The following NOX4 variants were observed in gnomAD, a reference collection of about 807,000 sequenced individuals.
NOX4 encodes NADPH oxidase 4.
In NOX4, 69 loss-of-function variants were observed where a neutral mutation model predicts 87.6. The ratio of observed to expected loss-of-function variants is 0.79; its 90% CI spans 0.65 to 0.96. NOX4 has a LOEUF of 0.96. Among genes scored for constraint, NOX4 ranks in the 40% least tolerant of loss-of-function variants. NOX4 has a pLI of 0.00. For synonymous variants in NOX4, 275 were observed against 238.2 expected (o/e 1.15, Z -1.42); for missense variants, 680 against 681.5 (o/e 1.00, Z 0.02).
intron 12 of NOX4, among the ~76,000 whole-genome samples, chr11:89,355,994 T>A (rs1207478132): frequency 2.0e-5 from 3 of 152,124 alleles, no homozygotes; most frequent in Admixed American, 2.0e-4. Flanking sequence ...ATTTTATTTA[T>A]AAATAAAAAC....
At chr11:89,557,845 C>T in the NOX4 span, among the ~76,000 whole-genome samples, 2 of 151,982 alleles carry the variant, frequency 1.3e-5, no homozygotes, top group East Asian at 3.9e-4. Flanking sequence ...AACAAAGATA[C>T]TTGTAGAAAA....
At chr11:89,384,365 G>A (rs575024381) in intron 11 of NOX4, among the ~76,000 whole-genome samples, 15 of 152,198 alleles carry the variant, frequency 9.9e-5, no homozygotes, top group Admixed American at 2.6e-4. Context: ...AAGGCTTCAC[G>A]GACAGCCCCC....
At chr11:89,463,723 C>CTTTTTTTTTT in intron 2 of NOX4, among the ~76,000 whole-genome samples, 1 of 151,862 alleles carries the variant, frequency 6.6e-6, no homozygotes, top group African/African-American at 2.4e-5. Flanking sequence ...TAGGTTATTT[C>CTTTTTTTTTT]TACATCTTAA....
At chr11:89,568,046 C>A in the NOX4 span, among the ~76,000 whole-genome samples, 6 of 152,186 alleles carry the variant, frequency 3.9e-5, no homozygotes, top group African/African-American at 7.2e-5. Flanking sequence ...TCCAGCACAG[C>A]AGCTGCTTAA....
chr11:89,476,184 C>T (rs1946160191), intron 2 of NOX4, among the ~76,000 whole-genome samples: 1 of 152,018 alleles, frequency 6.6e-6, no homozygotes, highest in Non-Finnish European at 1.5e-5. Flanking sequence ...TTAAGAAAAT[C>T]CATTCCACTA....
chr11:89,472,233 T>G (rs967654442), intron 2 of NOX4, among the ~76,000 whole-genome samples: 1 of 152,138 alleles, frequency 6.6e-6, no homozygotes. Context: ...TGTATGTACC[T>G]TAATGCCATA....
intron 12 of NOX4, among the ~76,000 whole-genome samples, chr11:89,366,335 C>G (rs1343275866): frequency 3.3e-5 from 5 of 152,046 alleles, no homozygotes; most frequent in African/African-American, 1.2e-4. Context: ...CACAATAACT[C>G]TACTTCCAGG....
rs868485198 is a variant in NOX4 at position 89,491,250 on chromosome 11, G to T, written c.-4C>A. 2 of 1,611,000 alleles carry T rather than the reference G, an allele frequency of 1.2e-6. No homozygotes were observed. The highest frequency in any genetic ancestry group is 1.7e-4 in the Middle Eastern group (1 of 6,002). On this transcript the variant is annotated 5_prime_UTR_variant, in exon 1 of 18. Transcript: ENST00000263317. ...AGCTCCTCCAGGACACAGCCATGCC[G>T]CCGGCCCCGCCGCGCTGCGCTCTGT...
At chr11:89,511,385 C>T in the NOX4 span, among the ~76,000 whole-genome samples, 3 of 151,932 alleles carry the variant, frequency 2.0e-5, no homozygotes, top group African/African-American at 7.2e-5. Context: ...GTCAACGTTT[C>T]TCTTTTTTTC....
In NOX4 at chr11:89,432,796, G is replaced by T. The variant is rs1160126903; in HGVS notation, c.536C>A (p.Thr179Lys). 6.2e-7 allele frequency: 1 copy of T among 1,608,834 alleles called. No homozygotes were observed. Among genetic ancestry groups the T allele is most frequent in the Admixed American group, 1.7e-5 (1 of 59,854 alleles). Reference sequence around the variant, plus strand: ...TTCTGACACTTACCTTATTGCATATGTAGAGGCTGTGATCATGAGGAATAG... The same window carrying T: ...TTCTGACACTTACCTTATTGCATATTTAGAGGCTGTGATCATGAGGAATAG... ...VVLFLMITAS[T>K]YAIRVSNYDI... Residue 179 changes from threonine to lysine, a missense_variant, in exon 7 of 18, where the codon ACA becomes AAA. Physicochemically the swap from Thr to Lys is moderately conservative, Grantham distance 78. Transcript: ENST00000263317.
chr11:89,458,858 A>G (rs1945325536), intron 2 of NOX4, among the ~76,000 whole-genome samples: 1 of 152,198 alleles, frequency 6.6e-6, no homozygotes, highest in South Asian at 2.1e-4. Flanking sequence ...TGTTCATGGG[A>G]ATGTGAATTA....
chr11:89,347,717 T>C (rs1199021149), intron 13 of NOX4, among the ~76,000 whole-genome samples: 2 of 152,064 alleles, frequency 1.3e-5, no homozygotes, highest in Non-Finnish European at 2.9e-5. Context: ...ATAATAGTCA[T>C]CACATTCTGT....
At chr11:89,369,713 T>G (rs541584) in intron 12 of NOX4, among the ~76,000 whole-genome samples, 1 of 150,790 alleles carries the variant, frequency 6.6e-6, no homozygotes, top group Non-Finnish European at 1.5e-5. Flanking sequence ...ATCTGTGAGA[T>G]TCCATATATC....
At chr11:89,513,504 T>C in the NOX4 span, among the ~76,000 whole-genome samples, 5 of 152,046 alleles carry the variant, frequency 3.3e-5, no homozygotes, top group Non-Finnish European at 5.9e-5. Context: ...GGTATTTATT[T>C]ATAATATAAT....
At chr11:89,433,384 A>C (rs1297106152) in intron 6 of NOX4, among the ~76,000 whole-genome samples, 1 of 152,054 alleles carries the variant, frequency 6.6e-6, no homozygotes, top group Non-Finnish European at 1.5e-5. Context: ...GCAAATAGGT[A>C]CTTACTTCTA....
At chr11:89,552,560 C>A in the NOX4 span, among the ~76,000 whole-genome samples, 3 of 152,270 alleles carry the variant, frequency 2.0e-5, no homozygotes, top group Non-Finnish European at 4.4e-5. Flanking sequence ...CCATCTAGAT[C>A]AAAGAGAAAG....
chr11:89,443,769 C>G (rs539977104), intron 5 of NOX4: 163 of 164,028 alleles, frequency 9.9e-4, no homozygotes, highest in Non-Finnish European at 1.8e-3. Flanking sequence ...CTTCCCTTTT[C>G]CCCAAAACCC....
At chr11:89,501,329 C>T (rs117537142), upstream of NOX4, among the ~76,000 whole-genome samples, 750 of 151,932 alleles carry the variant, frequency 4.9e-3, 6 homozygotes, top group Admixed American at 8.2e-3. Context: ...TGAGCATGAA[C>T]GAGCATGATA....
the NOX4 span, among the ~76,000 whole-genome samples, chr11:89,575,315 AAAT>A: frequency 6.6e-6 from 1 of 152,230 alleles, no homozygotes; most frequent in East Asian, 1.9e-4. Flanking sequence ...AGGCAGAACC[AAAT>A]AATTATTTTT....
Sources: allele counts gnomAD v4.1 joint callset (sites outside exome capture counted in the v4.1 genomes callset), GRCh38; gene constraint gnomAD v4.1.1; transcripts MANE v1.5; gene names NCBI Gene and HGNC (gene_info 2026-07-23, HGNC 2026-07-21).